Variants in MAP2 observed in about 807,000 individuals in gnomAD.
MAP2 encodes microtubule-associated protein 2.
MAP2 carries 14 observed loss-of-function variants against 137.6 expected under a neutral mutation model. That is an observed-to-expected ratio of 0.10 (90% CI 0.07 to 0.16). The LOEUF is 0.16. Ranked by LOEUF, MAP2 falls within the 10% of genes least tolerant of loss-of-function variation. MAP2 has a pLI of 1.00. For missense variants in MAP2, 2,088 were observed against 2,191.5 expected (o/e 0.95, Z 0.94); for synonymous variants, 786 against 782.3 (o/e 1.00, Z -0.08).
chr2:209,676,043 T>G (rs1463834222), intron 5 of MAP2, among the ~76,000 whole-genome samples: 1 of 151,908 alleles, frequency 6.6e-6, no homozygotes. Context: ...AAAAAAATTC[T>G]GTTAAGCATC....
intron 4 of MAP2, among the ~76,000 whole-genome samples, chr2:209,638,726 C>G (rs1314951689): frequency 1.3e-5 from 2 of 151,964 alleles, no homozygotes; most frequent in African/African-American, 2.4e-5. Context: ...CCTATTTTAT[C>G]CTCTATTATT....
intron 13 of MAP2, chr2:209,710,932 A>G (rs1031557667): frequency 1.3e-5 from 2 of 152,310 alleles, no homozygotes; most frequent in Non-Finnish European, 2.9e-5. Context: ...TTTTCAAACC[A>G]GGGGGTTTTG....
chr2:209,709,715 A>G (rs1043723222), intron 12 of MAP2, among the ~76,000 whole-genome samples, 199 bp from the exon 13 acceptor site: 44 of 152,178 alleles, frequency 2.9e-4, no homozygotes, highest in Non-Finnish European at 5.0e-4. Flanking sequence ...ATAGCAATGC[A>G]TGTTCAAAAG....
intron 1 of MAP2, among the ~76,000 whole-genome samples, chr2:209,438,731 A>G (rs76088182): frequency 1.2e-4 from 18 of 151,550 alleles, no homozygotes; most frequent in Non-Finnish European, 2.5e-4. Flanking sequence ...TATTCATGCC[A>G]TTTCTGGACT....
chr2:209,681,412 C>G (rs943768160), intron 7 of MAP2, among the ~76,000 whole-genome samples: 1 of 152,088 alleles, frequency 6.6e-6, no homozygotes, highest in African/African-American at 2.4e-5. Context: ...CTGTTGAGAC[C>G]TGTTATTGTC....
chr2:209,589,699 G>T (rs185450050), intron 3 of MAP2, among the ~76,000 whole-genome samples: 144 of 152,262 alleles, frequency 9.5e-4, no homozygotes, highest in Middle Eastern at 3.4e-3. Flanking sequence ...AAATATTATT[G>T]ATGTAAAACA....
Position 209,612,020 on chromosome 2 carries a change from G to T in MAP2, c.-106-13033G>T, listed in dbSNP as rs115904430. ...CCTTAAAGCAGCTGGAAAAAGACAG[G>T]TCTGTTAGGTTGCTTTAAGACATGA... On this transcript the variant is annotated intron_variant, in intron 3 of 15. Transcript: ENST00000682079. Among the ~76,000 whole-genome samples, 940 of 152,232 alleles carry T rather than the reference G, an allele frequency of 6.2e-3. 8 individuals carry two copies. The highest frequency in any genetic ancestry group is 0.021 in the African/African-American group (885 of 41,550).
chr2:209,690,853 G>T, intron 7 of MAP2: 1 of 1,270,790 alleles, frequency 7.9e-7, no homozygotes, highest in Non-Finnish European at 1.0e-6. Flanking sequence ...GGGAAGGTGT[G>T]TCTTTCTCAG....
rs772314732 is a variant in MAP2, at chr2:209,693,044, A to G, written c.874A>G (p.Met292Val). Residue 292 changes from methionine to valine, a missense_variant, in exon 8 of 16, where the codon ATG becomes GTG. Around this residue, in one of 6 missense-constraint regions of MAP2, gnomAD observed 859 missense variants for 794.5 expected, o/e 1.08. Coordinates refer to ENST00000682079, the MANE Select transcript of MAP2 (RefSeq NM_001375505.1). ...APISPGPLTP[M>V]REKDVFDDIP... ...CATATCTCCTGGCCCTCTGACTCCC[A>G]TGAGGGAAAAAGATGTATTTGATGA... The G allele has an allele frequency of 5.6e-6, 9 of 1,612,762 alleles. No homozygotes were observed. Among genetic ancestry groups the G allele is most frequent in the Non-Finnish European group, 7.6e-6 (9 of 1,179,610 alleles).
chr2:209,496,846 A>T (rs2059806794), intron 1 of MAP2, among the ~76,000 whole-genome samples: 1 of 151,958 alleles, frequency 6.6e-6, no homozygotes, highest in Non-Finnish European at 1.5e-5. Flanking sequence ...CCAAGGGTGG[A>T]TTTCAGTGGT....
chr2:209,575,541 A>T (rs868552700), intron 2 of MAP2, among the ~76,000 whole-genome samples: 1,511 of 150,812 alleles, frequency 0.01, 43 homozygotes, highest in African/African-American at 0.034. Flanking sequence ...AAAAAAAAAA[A>T]AAATACATAT....
chr2:209,684,896 C>T (rs148366782), intron 7 of MAP2, among the ~76,000 whole-genome samples: 1 of 152,130 alleles, frequency 6.6e-6, no homozygotes, highest in Non-Finnish European at 1.5e-5. Flanking sequence ...ATATATCTCT[C>T]AACTCCAACT....
intron 1 of MAP2, among the ~76,000 whole-genome samples, chr2:209,454,136 C>CGAGA (rs1212432437): frequency 4.4e-4 from 46 of 105,216 alleles, no homozygotes; most frequent in African/African-American, 1.8e-3. Flanking sequence ...GGCAACAGAG[C>CGAGA]GAGACTCTGT....
At chr2:209,516,509 A>G (rs2062533076) in intron 2 of MAP2, among the ~76,000 whole-genome samples, 2 of 152,088 alleles carry the variant, frequency 1.3e-5, no homozygotes, top group Admixed American at 1.3e-4. Context: ...CCAATAGAGG[A>G]GAATCAGTTA....
At chr2:209,486,498 G>A (rs2058400840) in intron 1 of MAP2, among the ~76,000 whole-genome samples, 3 of 152,138 alleles carry the variant, frequency 2.0e-5, no homozygotes, top group Admixed American at 1.3e-4. Context: ...CTGGGATTAC[G>A]GGCATGAGCC....
At chr2:209,470,033 C>T (rs1231987255) in intron 1 of MAP2, among the ~76,000 whole-genome samples, 1 of 152,280 alleles carries the variant, frequency 6.6e-6, no homozygotes, top group Non-Finnish European at 1.5e-5. Context: ...TCTACATTCT[C>T]GACAGCCCAC....
At chr2:209,700,937 C>G (rs2061602384) in intron 11 of MAP2, among the ~76,000 whole-genome samples, 1 of 152,024 alleles carries the variant, frequency 6.6e-6, no homozygotes, top group Non-Finnish European at 1.5e-5. Context: ...GTTTTAATGA[C>G]TACGTAATAC....
intron 13 of MAP2, among the ~76,000 whole-genome samples, chr2:209,718,279 A>C (rs1193411542): frequency 6.6e-6 from 1 of 152,234 alleles, no homozygotes; most frequent in Non-Finnish European, 1.5e-5. Context: ...AAACAAAGAC[A>C]CAGGAACTAA....
intron 7 of MAP2, among the ~76,000 whole-genome samples, chr2:209,683,734 C>T (rs2055805994): frequency 6.6e-6 from 1 of 152,140 alleles, no homozygotes; most frequent in Non-Finnish European, 1.5e-5. Context: ...ATTTACCCTC[C>T]TTGATACCCT....
Sources: allele counts gnomAD v4.1 joint callset (sites outside exome capture counted in the v4.1 genomes callset), GRCh38; gene constraint gnomAD v4.1.1; regional missense constraint gnomAD v4.1.1; transcripts MANE v1.5; gene names NCBI Gene and HGNC (gene_info 2026-07-23, HGNC 2026-07-21).